The following RHEBL1 variants were observed in gnomAD, a reference collection of about 807,000 sequenced individuals.
RHEBL1 encodes RHEB like 1, also known as GTPase RhebL1.
In RHEBL1, 22 loss-of-function variants were observed where a neutral mutation model predicts 27.4. The observed-to-expected ratio is 0.80, with a 90% CI of 0.57 to 1.15. The LOEUF is 1.15. RHEBL1 is among the 50% of genes most tolerant of loss of function. The pLI is 0.00. For missense variants in RHEBL1, 186 were observed against 226.5 expected, an observed-to-expected ratio of 0.82 and a Z score of 1.15; for synonymous variants, 85 against 80.8, an observed-to-expected ratio of 1.05 and a Z score of -0.28.
In RHEBL1 at chr12:49,065,046, C is replaced by T; in HGVS notation, c.*57G>A. 1 of 1,319,004 alleles carries T rather than the reference C, an allele frequency of 7.6e-7. No individual in the cohort carries two copies. Among genetic ancestry groups the T allele is most frequent in the Non-Finnish European group, 1.1e-6 (1 of 911,706 alleles). The allele number at this position is 1,319,004 out of a possible 1,614,324, so 81.7% of individuals were successfully genotyped here. ...TGAAGTCCTGAGGATCTGCCCCCCACTGGAACATGGCAAGTGCCGGGGGCA... is the reference window on the plus strand; with the variant it reads ...TGAAGTCCTGAGGATCTGCCCCCCATTGGAACATGGCAAGTGCCGGGGGCA... On this transcript the variant is annotated 3_prime_UTR_variant, in exon 8 of 8. Transcript: ENST00000301068.
At chr12:49,065,951 G>C (rs1938991274) in intron 6 of RHEBL1, among the ~76,000 whole-genome samples, 1 of 151,866 alleles carries the variant, frequency 6.6e-6, no homozygotes, top group South Asian at 2.1e-4. Context: ...AGAAGAAAAA[G>C]ACTTTCTCTG....
intron 5 of RHEBL1, 24 bp downstream of exon 5, chr12:49,066,452 T>C: frequency 6.2e-7 from 1 of 1,611,400 alleles, no homozygotes; most frequent in African/African-American, 1.3e-5. Context: ...CCACACTATG[T>C]CCCTATCCCC....
At chr12:49,066,405 A>T (rs1938997958) in intron 5 of RHEBL1, 71 bp downstream of exon 5, 9 of 1,568,646 alleles carry the variant, frequency 5.7e-6, no homozygotes, top group Non-Finnish European at 7.9e-6. Context: ...CTCTAACTTG[A>T]CAATTCTCCC....
At chr12:49,067,954 TGAATTC>T (rs1939023699) in intron 2 of RHEBL1, among the ~76,000 whole-genome samples, 1 of 152,260 alleles carries the variant, frequency 6.6e-6, no homozygotes. Flanking sequence ...TAGAACCATT[TGAATTC>T]TTCTCTTCTA....
At chr12:49,066,791 G>A (rs1357951979) in intron 3 of RHEBL1, 90 bp from the exon 4 acceptor site, 15 of 1,251,964 alleles carry the variant, frequency 1.2e-5, no homozygotes, top group Non-Finnish European at 1.6e-5. Context: ...CCCTCCCTGG[G>A]GCACGCCCTA....
At chr12:49,069,414 G>T (rs1478970996) in intron 1 of RHEBL1, among the ~76,000 whole-genome samples, 1 of 151,784 alleles carries the variant, frequency 6.6e-6, no homozygotes, top group African/African-American at 2.4e-5. Context: ...GGACACCTGC[G>T]ACTATCTGTC....
intron 3 of RHEBL1, 79 bp from the exon 4 acceptor site, chr12:49,066,780 A>T: frequency 7.4e-7 from 1 of 1,359,268 alleles, no homozygotes; most frequent in Non-Finnish European, 1.1e-6. Flanking sequence ...CATCCAGGTG[A>T]CCCTCCCTGG....
rs1395524070 is a variant in RHEBL1, at chr12:49,069,752, G to A, written c.34C>T (p.Leu12Phe). Reference protein sequence around the residue: ...PLVRYRKVVILGYRCVGKTSL... With the variant: ...PLVRYRKVVIFGYRCVGKTSL... The stretch of plus-strand genomic sequence containing the variant: ...GACTCACCTACACAGCGGTATCCGA[G>A]GATGACCACCTTCCTGTAGCGGACT... Residue 12 changes from leucine to phenylalanine, a missense_variant, in exon 1 of 8, where the codon CTC becomes TTC. Around this residue, in one of 3 missense-constraint regions of RHEBL1, gnomAD observed 62 missense variants for 62.1 expected, o/e 1.00. Coordinates refer to ENST00000301068, the MANE Select transcript of RHEBL1 (RefSeq NM_144593.3). 7 of 1,613,732 alleles carry A rather than the reference G, an allele frequency of 4.3e-6. No homozygotes were observed. The highest frequency in any genetic ancestry group is 5.1e-6 in the Non-Finnish European group (6 of 1,179,924).
intron 6 of RHEBL1, 56 bp from the exon 7 acceptor site, chr12:49,065,487 G>A: frequency 2.8e-6 from 4 of 1,442,522 alleles, no homozygotes; most frequent in African/African-American, 2.8e-5. Context: ...TAAGTGCTCT[G>A]AAAAATCTTC....
chr12:49,067,111 T>G, intron 2 of RHEBL1, 76 bp from the exon 3 acceptor site: 1 of 1,042,932 alleles, frequency 9.6e-7, no homozygotes, highest in Admixed American at 2.1e-5. Flanking sequence ...TTTTTTTTTT[T>G]TTTTTTTTGA....
At chr12:49,067,688 G>A (rs1371040507) in intron 2 of RHEBL1, among the ~76,000 whole-genome samples, 1 of 152,132 alleles carries the variant, frequency 6.6e-6, no homozygotes, top group Non-Finnish European at 1.5e-5. Flanking sequence ...GGTGAAGCGT[G>A]AGAATTGCTT....
intron 2 of RHEBL1, 113 bp from the exon 3 acceptor site, chr12:49,067,148 G>A: frequency 4.3e-6 from 3 of 697,802 alleles, no homozygotes; most frequent in Non-Finnish European, 4.8e-6. Flanking sequence ...TATTGTCCAG[G>A]CTGGGCTGCA....
rs530030186 is a variant in RHEBL1 at position 49,069,171 on chromosome 12, C to T, written c.53-65G>A. On this transcript the variant is annotated intron_variant, in intron 1 of 7. Transcript: ENST00000301068. ...TCCACATTCACATCCTCTGTCCTTT[C>T]GGACTGTGGCCCAGGACCAAAGGAG... 1.5e-5 allele frequency: 24 copies of T among 1,612,788 alleles called. No individual in the cohort carries two copies. The African/African-American group carries it at 2.8e-4, about 19-fold the overall frequency.
At position 49,064,754 on chromosome 12, in the gene RHEBL1, C is replaced by T. The variant is rs887840437; in HGVS notation, c.*349G>A. 3 of 241,630 alleles carry T rather than the reference C, an allele frequency of 1.2e-5. No homozygotes were observed. The highest frequency in any genetic ancestry group is 4.9e-5 in the Admixed American group (1 of 20,482). The allele number at this position is 241,630 out of a possible 1,614,324, so 15.0% of individuals were successfully genotyped here. A position where few individuals can be genotyped will look rare whatever the true frequency, so the allele number is the denominator to read the frequency against. The stretch of plus-strand genomic sequence containing the variant: ...GAGCCAGCTCTATTTCAGAAGTCCC[C>T]GGCTCCCCTTACCCAGCCAACACCC... On this transcript the variant is annotated 3_prime_UTR_variant, in exon 8 of 8. Transcript: ENST00000301068.
rs1279477095 is a variant in RHEBL1 at position 49,066,711 on chromosome 12, A to C, written c.193-10T>G. On this transcript the variant is annotated splice_polypyrimidine_tract_variant and intron_variant, in intron 3 of 7. Coordinates refer to ENST00000301068, the MANE Select transcript of RHEBL1 (RefSeq NM_144593.3). ...GAATGCTGTACTCATCCTGGCAAGAAATGGGAAACATCAGTACCTAGATCC... is the reference window on the plus strand; with the variant it reads ...GAATGCTGTACTCATCCTGGCAAGACATGGGAAACATCAGTACCTAGATCC... The C allele has an allele frequency of 6.2e-7, 1 of 1,611,744 alleles. No individual in the cohort carries two copies. Among genetic ancestry groups the C allele is most frequent in the East Asian group, 2.2e-5 (1 of 44,872 alleles).
chr12:49,069,670 G>T, intron 1 of RHEBL1, 64 bp downstream of exon 1: 1 of 1,466,576 alleles, frequency 6.8e-7, no homozygotes, highest in Non-Finnish European at 9.6e-7. Flanking sequence ...GCGTTCCCAC[G>T]GCAGCGCGCC....
Position 49,069,867 on chromosome 12 carries a change from A to C in RHEBL1, c.-82T>G, listed in dbSNP as rs1320000369. ...AGGTCAGGGTGTGAGCAGGCGCGGC[A>C]GCTGGTGCAGGAAAGTCGCTCACCC... On this transcript the variant is annotated 5_prime_UTR_variant, in exon 1 of 8. Coordinates refer to ENST00000301068, the MANE Select transcript of RHEBL1 (RefSeq NM_144593.3). The C allele has an allele frequency of 1.6e-6, 2 of 1,262,782 alleles. No homozygotes were observed. The highest frequency in any genetic ancestry group is 3.0e-5 in the African/African-American group (2 of 67,576). 78.2% of individuals were successfully genotyped at this position (1,262,782 alleles called of 1,614,324 possible).
At chr12:49,066,186 G>A (rs1314759064) in intron 6 of RHEBL1, 45 bp downstream of exon 6, 1 of 1,508,818 alleles carries the variant, frequency 6.6e-7, no homozygotes, top group South Asian at 1.1e-5. Context: ...CTGATTCCCA[G>A]TCCATTTCAC....
Position 49,069,872 on chromosome 12 carries a change from G to A in RHEBL1, c.-87C>T, listed in dbSNP as rs1341025417. On this transcript the variant is annotated 5_prime_UTR_variant, in exon 1 of 8. Transcript: ENST00000301068. Reference sequence around the variant, plus strand: ...AGGGTGTGAGCAGGCGCGGCAGCTGGTGCAGGAAAGTCGCTCACCCCGAAG... The same window carrying A: ...AGGGTGTGAGCAGGCGCGGCAGCTGATGCAGGAAAGTCGCTCACCCCGAAG... The A allele has an allele frequency of 8.3e-6, 10 of 1,201,940 alleles. No homozygotes were observed. The South Asian group carries it at 9.8e-5, about 12-fold the overall frequency. The allele number at this position is 1,201,940 out of a possible 1,614,324, so 74.5% of individuals were successfully genotyped here. A position where few individuals can be genotyped will look rare whatever the true frequency, so the allele number is the denominator to read the frequency against.
Sources: gnomAD v4.1 joint callset for allele counts (sites outside exome capture counted in the v4.1 genomes callset) on GRCh38, gnomAD v4.1.1 for gene constraint, gnomAD v4.1.1 regional missense constraint, MANE v1.5 for transcripts, NCBI Gene and HGNC (gene_info 2026-07-23, HGNC 2026-07-21) for gene names.